Variants in OR2AG2 observed in about 807,000 individuals in gnomAD.
OR2AG2 encodes the protein olfactory receptor family 2 subfamily AG member 2, also known as olfactory receptor 2AG2.
For missense variants in OR2AG2, 390 were observed against 391.9 expected, an observed-to-expected ratio of 1.00 and a Z score of 0.04; for synonymous variants, 167 against 157.1, an observed-to-expected ratio of 1.06 and a Z score of -0.47.
Position 6,768,427 on chromosome 11 carries a change from C to A in OR2AG2, c.531G>T (p.Leu177=), listed in dbSNP as rs79701895. ...PFCVSWEIRH[L]LCEIPPLLKL... is the part of the protein sequence containing the mutation. The stretch of plus-strand genomic sequence containing the variant: ...TCAGCAAGGGTGGGATCTCACAGAG[C>A]AGATGCCTGATTTCCCAGGACACAC... The change falls in exon 2 of 2, where the codon CTG becomes CTT. Residue 177 remains leucine (L), a synonymous_variant. Transcript: ENST00000641124. The A allele has an allele frequency of 2.4e-4, 385 of 1,614,134 alleles. No individual in the cohort carries two copies. The African/African-American group carries it at 2.6e-3, about 11-fold the overall frequency.
Position 6,768,983 on chromosome 11 carries a change from C to G in OR2AG2, c.-26G>C, listed in dbSNP as rs75018088. Reference sequence around the variant, plus strand: ...GATGTGTTTTTTTAGTTGCCTAGAACCAAATATATTATCAGTGGAAGCTTT... The same window carrying G: ...GATGTGTTTTTTTAGTTGCCTAGAAGCAAATATATTATCAGTGGAAGCTTT... On this transcript the variant is annotated 5_prime_UTR_variant, in exon 2 of 2. Coordinates refer to ENST00000641124, the MANE Select transcript of OR2AG2 (RefSeq NM_001004490.2). 3 of 1,536,726 alleles carry G rather than the reference C, an allele frequency of 2.0e-6. No individual in the cohort carries two copies. The highest frequency in any genetic ancestry group is 2.7e-6 in the Non-Finnish European group (3 of 1,120,314).
At chr11:6,770,259 G>GA (rs897982468) in intron 1 of OR2AG2, among the ~76,000 whole-genome samples, 13 of 150,050 alleles carry the variant, frequency 8.7e-5, no homozygotes, top group South Asian at 8.4e-4. Flanking sequence ...TACATCCAGT[G>GA]AAAAAAAAAT....
intron 1 of OR2AG2, among the ~76,000 whole-genome samples, chr11:6,769,959 G>A (rs1185491325): frequency 6.6e-6 from 1 of 152,140 alleles, no homozygotes; most frequent in African/African-American, 2.4e-5. Context: ...TCGGATGGAA[G>A]ACTTAGGAGG....
rs1337592381 is a variant in OR2AG2 at position 6,768,015 on chromosome 11, T to A, written c.943A>T (p.Thr315Ser). 20 of 1,611,020 alleles carry A rather than the reference T, an allele frequency of 1.2e-5. No individual in the cohort carries two copies. Among genetic ancestry groups the A allele is most frequent in the Non-Finnish European group, 1.7e-5 (20 of 1,178,144 alleles). ...LGKYILLAHS[T>S]L ...CAAGCCATGATCCTTCCCTAGAGCG[T>A]GGAATGTGCCAGCAGTATGTATTTT... The change falls in exon 2 of 2, where the codon ACG becomes TCG. Residue 315 changes from threonine to serine, a missense_variant. Coordinates refer to ENST00000641124, the MANE Select transcript of OR2AG2 (RefSeq NM_001004490.2).
In OR2AG2 at chr11:6,768,409, G is replaced by C. The variant is rs1261394991; in HGVS notation, c.549C>G (p.Pro183=). 6.2e-7 allele frequency: 1 copy of C among 1,614,158 alleles called. No individual in the cohort carries two copies. Among genetic ancestry groups the C allele is most frequent in the Non-Finnish European group, 8.5e-7 (1 of 1,180,018 alleles). ...EIRHLLCEIP[P]LLKLACADTS... The stretch of plus-strand genomic sequence containing the variant: ...TATCAGCACAGGCCAACTTCAGCAA[G>C]GGTGGGATCTCACAGAGCAGATGCC... The change falls in exon 2 of 2, where the codon CCC becomes CCG. Residue 183 remains proline (P), a synonymous_variant. Transcript: ENST00000641124.
intron 1 of OR2AG2, among the ~76,000 whole-genome samples, chr11:6,770,985 T>C (rs1847441220): frequency 6.6e-6 from 1 of 152,152 alleles, no homozygotes; most frequent in Admixed American, 6.5e-5. Flanking sequence ...GAACACACAC[T>C]GGGCCTACAG....
rs1017467045 is a variant in OR2AG2 at position 6,766,888 on chromosome 11, C to A, written c.*1119G>T. 8 of 152,238 alleles carry A rather than the reference C, an allele frequency of 5.3e-5. No homozygotes were observed. The highest frequency in any genetic ancestry group is 1.0e-4 in the Non-Finnish European group (7 of 68,008). 9.4% of individuals were successfully genotyped at this position (152,238 alleles called of 1,614,324 possible). Reference sequence around the variant, plus strand: ...AAGTCCACATTTTAAAAAACTTAGACAATATTCCCAACAAATTTCTCTCAT... The same window carrying A: ...AAGTCCACATTTTAAAAAACTTAGAAAATATTCCCAACAAATTTCTCTCAT... On this transcript the variant is annotated 3_prime_UTR_variant, in exon 2 of 2. Coordinates refer to ENST00000641124, the MANE Select transcript of OR2AG2 (RefSeq NM_001004490.2).
Position 6,768,859 on chromosome 11 carries a change from G to A in OR2AG2, c.99C>T (p.Ile33=). The A allele has an allele frequency of 6.2e-7, 1 of 1,614,064 alleles. No homozygotes were observed. Among genetic ancestry groups the A allele is most frequent in the Admixed American group, 1.7e-5 (1 of 60,024 alleles). The change falls in exon 2 of 2, where the codon ATC becomes ATT. Residue 33 remains isoleucine (I), a synonymous_variant. Coordinates refer to ENST00000641124, the MANE Select transcript of OR2AG2 (RefSeq NM_001004490.2). ...SPELLYATFT[I]LYMLALTSNG... ...TGCTGGTCAGTGCCAACATGTATAG[G>A]ATTGTAAATGTAGCATAGAGCAGTT...
Position 6,767,938 on chromosome 11 carries a change from G to C in OR2AG2, c.*69C>G. 1.6e-6 allele frequency: 2 copies of C among 1,280,488 alleles called. No individual in the cohort carries two copies. The highest frequency in any genetic ancestry group is 2.9e-5 in the South Asian group (2 of 69,982). 79.3% of individuals were successfully genotyped at this position (1,280,488 alleles called of 1,614,324 possible). On this transcript the variant is annotated 3_prime_UTR_variant, in exon 2 of 2. Transcript: ENST00000641124. ...ATGAGTGAGTAGAGAATTTTATTTGGAGCAGGAATGAGTGAGTAGAGAATT... is the reference window on the plus strand; with the variant it reads ...ATGAGTGAGTAGAGAATTTTATTTGCAGCAGGAATGAGTGAGTAGAGAATT...
At position 6,768,078 on chromosome 11, in the gene OR2AG2, T is replaced by C; in HGVS notation, c.880A>G (p.Asn294Asp). The C allele has an allele frequency of 1.2e-6, 2 of 1,614,088 alleles. No homozygotes were observed. Among genetic ancestry groups the C allele is most frequent in the Non-Finnish European group, 1.7e-6 (2 of 1,180,006 alleles). Residue 294 changes from asparagine to aspartate, a missense_variant, in exon 2 of 2, where the codon AAT becomes GAT. Coordinates refer to ENST00000641124, the MANE Select transcript of OR2AG2 (RefSeq NM_001004490.2). ...CTCAAGGCCCGCATGACCTCCTTAT[T>C]CCTCAGGCTGTAGATGAGTGGATTC... ...ALNPLIYSLR[N>D]KEVMRALRRV...
At position 6,769,217 on chromosome 11, in the gene OR2AG2, C is replaced by G; in HGVS notation, c.-260G>C. 2.5e-6 allele frequency: 1 copy of G among 404,936 alleles called. No individual in the cohort carries two copies. Among genetic ancestry groups the G allele is most frequent in the Admixed American group, 4.0e-5 (1 of 24,926 alleles). The allele number at this position is 404,936 out of a possible 1,614,324, so 25.1% of individuals were successfully genotyped here. A position where few individuals can be genotyped will look rare whatever the true frequency, so the allele number is the denominator to read the frequency against. The stretch of plus-strand genomic sequence containing the variant: ...TAGAAATCCCTTCAAATAAGGTATC[C>G]TGAAGAATAAGCCCAAGCAAACATC... On this transcript the variant is annotated 5_prime_UTR_variant, in exon 2 of 2. Coordinates refer to ENST00000641124, the MANE Select transcript of OR2AG2 (RefSeq NM_001004490.2).
rs182358471 is a variant in OR2AG2 at position 6,770,212 on chromosome 11, G to C, written c.-537-718C>G. 9.3e-4 allele frequency among the ~76,000 whole-genome samples: 141 copies of C among 152,102 alleles called. 1 individual carries two copies. Among genetic ancestry groups the C allele is most frequent in the South Asian group, 2.1e-4 (1 of 4,812 alleles). ...TCTCAGGCACTGCACTTGGGCAACT[G>C]TGTAGATGTGAAAAATCGATCCCAC... On this transcript the variant is annotated intron_variant, in intron 1 of 1. Transcript: ENST00000641124.
At chr11:6,770,387 G>A (rs1297985995) in intron 1 of OR2AG2, among the ~76,000 whole-genome samples, 2 of 151,926 alleles carry the variant, frequency 1.3e-5, no homozygotes, top group East Asian at 3.9e-4. Context: ...AATCAAAATG[G>A]GTCAGGATAT....
At position 6,768,978 on chromosome 11, in the gene OR2AG2, T is replaced by A; in HGVS notation, c.-21A>T. On this transcript the variant is annotated 5_prime_UTR_variant, in exon 2 of 2. Transcript: ENST00000641124. ...TCCATGATGTGTTTTTTTAGTTGCC[T>A]AGAACCAAATATATTATCAGTGGAA... is the stretch of plus-strand genomic sequence containing the variant. 6.5e-7 allele frequency: 1 copy of A among 1,547,216 alleles called. No homozygotes were observed. Among genetic ancestry groups the A allele is most frequent in the Non-Finnish European group, 8.9e-7 (1 of 1,127,822 alleles).
intron 1 of OR2AG2, among the ~76,000 whole-genome samples, chr11:6,770,072 A>G (rs1322066336): frequency 6.6e-6 from 1 of 152,180 alleles, no homozygotes; most frequent in Non-Finnish European, 1.5e-5. Context: ...TATCCTGGTC[A>G]ACTCAGAGTT....
Position 6,767,607 on chromosome 11 carries a change from T to C in OR2AG2, c.*400A>G, listed in dbSNP as rs192481816. On this transcript the variant is annotated 3_prime_UTR_variant, in exon 2 of 2. Coordinates refer to ENST00000641124, the MANE Select transcript of OR2AG2 (RefSeq NM_001004490.2). The stretch of plus-strand genomic sequence containing the variant: ...GTCCTCCTCTGATGCTGAGAGGCTA[T>C]TGGAATTTGGTCAGTCCAAAACTAC... 96 of 174,914 alleles carry C rather than the reference T, an allele frequency of 5.5e-4. 1 individual carries two copies. The East Asian group carries it at 7.1e-3, about 13-fold the overall frequency. The allele number at this position is 174,914 out of a possible 1,614,324, so 10.8% of individuals were successfully genotyped here. A position where few individuals can be genotyped will look rare whatever the true frequency, so the allele number is the denominator to read the frequency against.
chr11:6,769,183 G>C lies in OR2AG2; in HGVS notation c.-226C>G. 4.2e-6 allele frequency: 2 copies of C among 480,858 alleles called. No homozygotes were observed. The highest frequency in any genetic ancestry group is 7.3e-6 in the Non-Finnish European group (2 of 274,270). The allele number at this position is 480,858 out of a possible 1,614,324, so 29.8% of individuals were successfully genotyped here. On this transcript the variant is annotated 5_prime_UTR_variant, in exon 2 of 2. An upstream open reading frame in the 5' UTR gains an earlier in-frame stop. Transcript: ENST00000641124. Reference sequence around the variant, plus strand: ...CAGGTATTTTGACATGTTGTTAATAGTAATCATTTAGAAATCCCTTCAAAT... The same window carrying C: ...CAGGTATTTTGACATGTTGTTAATACTAATCATTTAGAAATCCCTTCAAAT...
In OR2AG2 at chr11:6,767,889, C is replaced by G. The variant is rs1168029003; in HGVS notation, c.*118G>C. The G allele has an allele frequency of 1.3e-6, 1 of 798,018 alleles. No homozygotes were observed. Among genetic ancestry groups the G allele is most frequent in the Non-Finnish European group, 2.0e-6 (1 of 510,882 alleles). The allele number at this position is 798,018 out of a possible 1,614,324, so 49.4% of individuals were successfully genotyped here. ...AGTAAAATTTAAAAAATGTATCTAT[C>G]ATCTCAGAGTACAGTATTGAAGAAT... On this transcript the variant is annotated 3_prime_UTR_variant, in exon 2 of 2. Coordinates refer to ENST00000641124, the MANE Select transcript of OR2AG2 (RefSeq NM_001004490.2).
At chr11:6,769,763 C>T (rs1438970078) in intron 1 of OR2AG2, among the ~76,000 whole-genome samples, 1 of 152,114 alleles carries the variant, frequency 6.6e-6, no homozygotes, top group African/African-American at 2.4e-5. Flanking sequence ...CACAGCAACA[C>T]ACACAAGGTG....
Sources: allele counts gnomAD v4.1 joint callset (sites outside exome capture counted in the v4.1 genomes callset), GRCh38; gene constraint gnomAD v4.1.1; transcripts MANE v1.5; gene names NCBI Gene and HGNC (gene_info 2026-07-23, HGNC 2026-07-21).